Variants in DLG2 observed in about 807,000 individuals in gnomAD.
The protein encoded by DLG2 is disks large homolog 2.
In DLG2, 45 loss-of-function variants were observed where a neutral mutation model predicts 132.5. That is an observed-to-expected ratio of 0.34 (90% CI 0.27 to 0.44). The LOEUF (loss-of-function observed/expected upper bound fraction) is 0.44, where lower values mean the gene tolerates loss of function less well. Among genes scored for constraint, DLG2 ranks in the 20% least tolerant of loss-of-function variants. DLG2 has a pLI of 1.00. For synonymous variants in DLG2, 424 were observed against 419.6 expected (o/e 1.01, Z -0.13); for missense variants, 1,045 against 1,196.9 (o/e 0.87, Z 1.87).
chr11:85,209,873 C>T (rs2082146848), intron 4 of DLG2, among the ~76,000 whole-genome samples: 1 of 152,096 alleles, frequency 6.6e-6, no homozygotes, highest in Admixed American at 6.6e-5. Flanking sequence ...CCTTGCTGGT[C>T]CTCTGTCACA....
chr11:84,017,020 T>C (rs906141840), intron 11 of DLG2, among the ~76,000 whole-genome samples: 4 of 151,912 alleles, frequency 2.6e-5, no homozygotes, highest in Admixed American at 2.6e-4. Flanking sequence ...CAGTGTGGTA[T>C]TGGGGAGAGT....
chr11:84,924,429 T>C (rs922544281), intron 6 of DLG2, among the ~76,000 whole-genome samples: 1 of 152,172 alleles, frequency 6.6e-6, no homozygotes, highest in African/African-American at 2.4e-5. Context: ...CTGCAGTGAC[T>C]TTTAGGATCT....
chr11:85,208,978 G>A (rs545477468), intron 4 of DLG2, among the ~76,000 whole-genome samples: 2 of 152,138 alleles, frequency 1.3e-5, no homozygotes, highest in Non-Finnish European at 2.9e-5. Flanking sequence ...CCCGCAATAT[G>A]TAAGTCCTTT....
At chr11:84,938,246 T>C (rs1403517724) in intron 6 of DLG2, among the ~76,000 whole-genome samples, 1 of 152,160 alleles carries the variant, frequency 6.6e-6, no homozygotes, top group Non-Finnish European at 1.5e-5. Context: ...CCATAGCATC[T>C]TCCACAGGGT....
intron 6 of DLG2, among the ~76,000 whole-genome samples, chr11:84,995,905 C>G (rs2057607007): frequency 6.6e-6 from 1 of 152,146 alleles, no homozygotes; most frequent in African/African-American, 2.4e-5. Context: ...CATTCATTCT[C>G]TCTGCTTAGT....
intron 3 of DLG2, among the ~76,000 whole-genome samples, chr11:85,511,050 T>G (rs1397994356): frequency 3.3e-5 from 5 of 151,954 alleles, no homozygotes; most frequent in East Asian, 3.9e-4. Context: ...CCATAAAAAA[T>G]GATGAGTTCA....
intron 6 of DLG2, among the ~76,000 whole-genome samples, chr11:84,601,870 G>T (rs1319063764): frequency 6.6e-6 from 1 of 151,954 alleles, no homozygotes; most frequent in Admixed American, 6.6e-5. Context: ...CTGAATTCGT[G>T]GTTAGAAAAC....
intron 17 of DLG2, among the ~76,000 whole-genome samples, chr11:83,819,143 G>A (rs2049972835): frequency 6.6e-6 from 1 of 152,144 alleles, no homozygotes; most frequent in South Asian, 2.1e-4. Flanking sequence ...GGGAGTTCCC[G>A]CTCAGCATGG....
chr11:85,573,058 CTT>C lies in DLG2; in HGVS notation c.40+25597_40+25598del, dbSNP rs200322224. On this transcript the variant is annotated intron_variant, in intron 3 of 27. Transcript: ENST00000376104. ...CATCTCCCCTTCCCGTACACTCTCT[CTT>C]GATCCTGCTTTCGCCATGTGACATG... is the stretch of plus-strand genomic sequence containing the variant. Among the ~76,000 whole-genome samples the C allele has an allele frequency of 7.6e-3, 1,160 of 152,286 alleles. 15 individuals are homozygous for C. The highest frequency in any genetic ancestry group is 0.027 in the African/African-American group (1,127 of 41,556).
At chr11:84,890,469 G>A (rs1355966090) in intron 6 of DLG2, among the ~76,000 whole-genome samples, 1 of 152,146 alleles carries the variant, frequency 6.6e-6, no homozygotes, top group African/African-American at 2.4e-5. Context: ...AAGTTGCATT[G>A]CCAATTCTGT....
At chr11:83,935,049 T>C (rs531632938) in intron 14 of DLG2, among the ~76,000 whole-genome samples, 10 of 152,316 alleles carry the variant, frequency 6.6e-5, no homozygotes, top group Admixed American at 5.2e-4. Flanking sequence ...TTTCAGATTC[T>C]CCAAAGGTTA....
intron 3 of DLG2, among the ~76,000 whole-genome samples, chr11:85,583,140 A>ATATATATG (rs2078720433): frequency 1.3e-5 from 1 of 78,716 alleles, no homozygotes; most frequent in Non-Finnish European, 2.5e-5. Context: ...GTATATATAT[A>ATATATATG]TATATATATA....
At chr11:85,400,833 A>C (rs921180497) in intron 3 of DLG2, among the ~76,000 whole-genome samples, 87 of 151,812 alleles carry the variant, frequency 5.7e-4, no homozygotes, top group African/African-American at 1.9e-3. Context: ...CCTAATGCTA[A>C]ATGACGAGTT....
intron 18 of DLG2, among the ~76,000 whole-genome samples, chr11:83,674,388 G>A (rs1213980190): frequency 6.6e-6 from 1 of 152,124 alleles, no homozygotes; most frequent in Non-Finnish European, 1.5e-5. Context: ...TTACTGATAA[G>A]GTAAGAAATT....
chr11:84,500,804 A>C (rs2099201970), intron 7 of DLG2, among the ~76,000 whole-genome samples: 1 of 152,176 alleles, frequency 6.6e-6, no homozygotes, highest in African/African-American at 2.4e-5. Flanking sequence ...GTGTAGTATA[A>C]ATATTGAGAT....
At chr11:83,722,262 T>G (rs995392344) in intron 18 of DLG2, among the ~76,000 whole-genome samples, 4 of 152,192 alleles carry the variant, frequency 2.6e-5, no homozygotes, top group African/African-American at 7.2e-5. Context: ...GGTCTCCCAC[T>G]GCCATGCAAA....
intron 10 of DLG2, among the ~76,000 whole-genome samples, chr11:84,090,502 T>A (rs974114322): frequency 6.6e-6 from 1 of 152,134 alleles, no homozygotes; most frequent in Non-Finnish European, 1.5e-5. Flanking sequence ...CGAGTAACAT[T>A]TTTTAAAAGT....
intron 8 of DLG2, among the ~76,000 whole-genome samples, chr11:84,194,443 A>T (rs962964081): frequency 6.6e-6 from 1 of 152,148 alleles, no homozygotes. Flanking sequence ...GCACAGACCC[A>T]AAGAGTGAGC....
intron 3 of DLG2, among the ~76,000 whole-genome samples, chr11:85,289,880 A>C (rs2078786015): frequency 6.6e-6 from 1 of 152,204 alleles, no homozygotes; most frequent in Admixed American, 6.5e-5. Context: ...ATACTGCTTG[A>C]ATCTACTCAA....
Sources: gnomAD v4.1 joint callset for allele counts (sites outside exome capture counted in the v4.1 genomes callset) on GRCh38, gnomAD v4.1.1 for gene constraint, MANE v1.5 for transcripts, NCBI Gene and HGNC (gene_info 2026-07-23, HGNC 2026-07-21) for gene names.